GTF2A1: variants seen among roughly 807,000 people sequenced by gnomAD.
GTF2A1 encodes the protein transcription initiation factor IIA subunit 1.
In GTF2A1, 12 loss-of-function variants were observed where a neutral mutation model predicts 54.1. The observed-to-expected ratio is 0.22, with a 90% CI of 0.14 to 0.36. The LOEUF is 0.36. GTF2A1 is among the 10% of genes least tolerant of loss of function. The pLI is 1.00. For synonymous variants in GTF2A1, 145 were observed against 152.0 expected, an observed-to-expected ratio of 0.95 and a Z score of 0.34; for missense variants, 335 against 442.2, an observed-to-expected ratio of 0.76 and a Z score of 2.17.
chr14:81,200,918 G>C (rs566069139), intron 4 of GTF2A1, among the ~76,000 whole-genome samples: 1 of 148,734 alleles, frequency 6.7e-6, no homozygotes, highest in Non-Finnish European at 1.5e-5. Context: ...ACAACTTCAA[G>C]GATATAGGTA....
intron 8 of GTF2A1, among the ~76,000 whole-genome samples, chr14:81,182,979 A>G (rs1396242630): frequency 6.6e-6 from 1 of 152,132 alleles, no homozygotes; most frequent in Non-Finnish European, 1.5e-5. Context: ...CCTATTTAAA[A>G]CTGAAACCAA....
chr14:81,209,034 T>A (rs1244037551), intron 2 of GTF2A1, among the ~76,000 whole-genome samples: 10 of 152,126 alleles, frequency 6.6e-5, no homozygotes, highest in African/African-American at 2.4e-4. Flanking sequence ...AGTTAAGACT[T>A]TGGGGGACTG....
chr14:81,188,046 T>G (rs1388666387), intron 7 of GTF2A1, among the ~76,000 whole-genome samples: 3 of 152,232 alleles, frequency 2.0e-5, no homozygotes, highest in African/African-American at 7.2e-5. Flanking sequence ...GTTATCTCAG[T>G]GTGGTTTTCA....
At chr14:81,204,581 C>T (rs1893188782) in intron 2 of GTF2A1, among the ~76,000 whole-genome samples, 1 of 152,174 alleles carries the variant, frequency 6.6e-6, no homozygotes, top group Admixed American at 6.5e-5. Context: ...CAGTGAGATA[C>T]ATAGATGCAA....
chr14:81,208,233 C>T (rs536861895), intron 2 of GTF2A1, among the ~76,000 whole-genome samples: 28 of 152,258 alleles, frequency 1.8e-4, no homozygotes, highest in African/African-American at 6.7e-4. Context: ...GATTTGGTGC[C>T]CTGTGTCCCA....
intron 4 of GTF2A1, among the ~76,000 whole-genome samples, chr14:81,200,887 AAAAAAAAAAAAAAAC>A (rs1893092464): frequency 6.9e-6 from 1 of 145,214 alleles, no homozygotes. Flanking sequence ...GTTTTATCCA[AAAAAAAAAAAAAAAC>A]AAAAAACAAC....
chr14:81,193,758 T>C (rs1892927374), intron 6 of GTF2A1, among the ~76,000 whole-genome samples: 1 of 152,188 alleles, frequency 6.6e-6, no homozygotes, highest in Non-Finnish European at 1.5e-5. Context: ...TGAAAAAATA[T>C]ATACTAACAA....
At chr14:81,187,807 G>C (rs1892782878) in intron 7 of GTF2A1, among the ~76,000 whole-genome samples, 1 of 152,116 alleles carries the variant, frequency 6.6e-6, no homozygotes, top group African/African-American at 2.4e-5. Flanking sequence ...AGTTTTTGTT[G>C]AAAAACATGT....
rs1334931111 is a variant in GTF2A1 at position 81,220,546 on chromosome 14, G to A, written c.-28C>T. The A allele has an allele frequency of 2.6e-6, 4 of 1,541,116 alleles. No homozygotes were observed. The highest frequency in any genetic ancestry group is 2.0e-5 in the Admixed American group (1 of 51,158). On this transcript the variant is annotated 5_prime_UTR_variant, in exon 1 of 9. Coordinates refer to ENST00000553612, the MANE Select transcript of GTF2A1 (RefSeq NM_015859.4). ...CCACACACAACACAAACAAGAGGGG[G>A]CAACCCCAAGAAAACAAGATAAAAA...
rs1245442764 is a variant in GTF2A1, at chr14:81,186,719, C to T, written c.934-1099G>A. 3.3e-5 allele frequency among the ~76,000 whole-genome samples: 5 copies of T among 151,934 alleles called. No individual in the cohort carries two copies. The South Asian group carries it at 8.3e-4, about 25-fold the overall frequency. ...ATTCTAGCACTTTGGGTGGCCTAGG[C>T]GGGACAATCACTTCAGGCCAGGAGT... On this transcript the variant is annotated intron_variant, in intron 7 of 8. Transcript: ENST00000553612.
At chr14:81,200,885 CAAAAAA>C (rs36025974) in intron 4 of GTF2A1, among the ~76,000 whole-genome samples, 20 of 111,110 alleles carry the variant, frequency 1.8e-4, no homozygotes, top group Admixed American at 3.5e-4. Context: ...ATGTTTTATC[CAAAAAA>C]AAAAAAAAAA....
intron 3 of GTF2A1, among the ~76,000 whole-genome samples, chr14:81,202,431 T>TA (rs919117706): frequency 6.6e-6 from 1 of 152,102 alleles, no homozygotes; most frequent in African/African-American, 2.4e-5. Flanking sequence ...ATCAGCTGTT[T>TA]AAAAAATACA....
intron 8 of GTF2A1, among the ~76,000 whole-genome samples, chr14:81,184,042 C>G (rs1892689904): frequency 6.6e-6 from 1 of 152,152 alleles, no homozygotes. Context: ...AATTATTTAT[C>G]ATTCAGCACA....
At chr14:81,196,765 C>G (rs1347435457) in intron 5 of GTF2A1, among the ~76,000 whole-genome samples, 2 of 152,132 alleles carry the variant, frequency 1.3e-5, no homozygotes, top group Non-Finnish European at 2.9e-5. Flanking sequence ...CCAATATGTT[C>G]CTTTAGACAA....
intron 2 of GTF2A1, among the ~76,000 whole-genome samples, chr14:81,210,895 G>C (rs1760902699): frequency 6.6e-6 from 1 of 152,062 alleles, no homozygotes. Flanking sequence ...AAACAATCAG[G>C]AATACTAATC....
chr14:81,214,881 G>A (rs1482772578), intron 2 of GTF2A1, among the ~76,000 whole-genome samples: 2 of 152,088 alleles, frequency 1.3e-5, no homozygotes, highest in African/African-American at 4.8e-5. Context: ...CTAGATTCTC[G>A]TATCTGACCC....
chr14:81,193,198 G>A (rs1038938044), intron 6 of GTF2A1, among the ~76,000 whole-genome samples: 11 of 145,442 alleles, frequency 7.6e-5, no homozygotes, highest in Admixed American at 3.5e-4. Context: ...ATGGAGTCTC[G>A]TTCTGTCACC....
intron 6 of GTF2A1, 81 bp from the exon 7 acceptor site, chr14:81,192,920 G>T: frequency 1.2e-6 from 1 of 811,392 alleles, no homozygotes; most frequent in South Asian, 1.7e-5. Context: ...AAATGCTTAA[G>T]ATTCACCAGA....
chr14:81,203,810 C>A, intron 3 of GTF2A1, 90 bp downstream of exon 3: 1 of 1,151,378 alleles, frequency 8.7e-7, no homozygotes. Flanking sequence ...CCTTAAAAGA[C>A]AAGATCCAAA....
Sources: allele counts gnomAD v4.1 joint callset (sites outside exome capture counted in the v4.1 genomes callset), GRCh38; gene constraint gnomAD v4.1.1; transcripts MANE v1.5; gene names NCBI Gene and HGNC (gene_info 2026-07-23, HGNC 2026-07-21).